Variants in MORF4L1 observed in about 807,000 individuals in gnomAD.
The protein encoded by MORF4L1 is mortality factor 4-like protein 1.
MORF4L1 carries 4 observed loss-of-function variants against 52.9 expected under a neutral mutation model. The ratio of observed to expected loss-of-function variants is 0.08; its 90% CI spans 0.04 to 0.17. The LOEUF is 0.17. Ranked by LOEUF, MORF4L1 falls within the 10% of genes least tolerant of loss-of-function variation. The pLI is 1.00. For synonymous variants in MORF4L1, 123 were observed against 134.8 expected, an observed-to-expected ratio of 0.91 and a Z score of 0.61; for missense variants, 214 against 390.4, an observed-to-expected ratio of 0.55 and a Z score of 3.81.
Position 78,878,224 on chromosome 15 carries a change from C to T in MORF4L1, c.52C>T (p.Leu18=), listed in dbSNP as rs1195831539. 1.9e-6 allele frequency: 3 copies of T among 1,611,770 alleles called. No individual in the cohort carries two copies. Among genetic ancestry groups the T allele is most frequent in the South Asian group, 1.1e-5 (1 of 90,580 alleles). Residue 18 remains leucine, a synonymous_variant, in exon 2 of 12, where the codon CTG becomes TTG. Transcript: ENST00000426013. ...KPKFQEGERV[L]CFHGPLLYEA... The stretch of plus-strand genomic sequence containing the variant: ...TTCTCCCTTTACAGGTGAGCGAGTG[C>T]TGTGCTTTCATGGGCCTCTTCTTTA...
chr15:78,891,764 T>C (rs2056805573), intron 7 of MORF4L1, 192 bp downstream of exon 7: 1 of 536,892 alleles, frequency 1.9e-6, no homozygotes, highest in African/African-American at 1.9e-5. Context: ...CAGATTTACC[T>C]ACCCAATTGA....
intron 2 of MORF4L1, among the ~76,000 whole-genome samples, chr15:78,879,160 C>G (rs2056552099): frequency 6.6e-6 from 1 of 152,108 alleles, no homozygotes; most frequent in Non-Finnish European, 1.5e-5. Flanking sequence ...TGCTTGAGCC[C>G]AGGAGTTCAA....
Position 78,897,238 on chromosome 15 carries a change from C to CTT in MORF4L1, c.*172_*173dup, listed in dbSNP as rs3971695. On this transcript the variant is annotated 3_prime_UTR_variant, in exon 12 of 12. Coordinates refer to ENST00000426013, the MANE Select transcript of MORF4L1 (RefSeq NM_006791.4). The stretch of plus-strand genomic sequence containing the variant: ...AAAAGGGGGTAATAGCTCCTTTTTT[C>CTT]TTCTTTCTTTTTTTTTTTCATTTCA... 86,672 of 486,290 alleles carry CTT rather than the reference C, an allele frequency of 0.18. 11,721 individuals are homozygous for CTT. Among genetic ancestry groups the CTT allele is most frequent in the East Asian group, 0.59 (16,848 of 28,664 alleles). 30.1% of individuals were successfully genotyped at this position (486,290 alleles called of 1,614,324 possible). A position where few individuals can be genotyped will look rare whatever the true frequency, so the allele number is the denominator to read the frequency against.
In MORF4L1 at chr15:78,897,085, T is replaced by C. The variant is rs889856867; in HGVS notation, c.*18T>C. The C allele has an allele frequency of 2.5e-6, 4 of 1,589,834 alleles. No homozygotes were observed. The highest frequency in any genetic ancestry group is 1.3e-5 in the African/African-American group (1 of 74,418). ...CTGTGTGAGAGGCACTCTCACTCAC[T>C]TATGTTTGGATCTCCGTAAACACAT... is the stretch of plus-strand genomic sequence containing the variant. On this transcript the variant is annotated 3_prime_UTR_variant, in exon 12 of 12. Transcript: ENST00000426013.
At chr15:78,880,406 T>G (rs2056579364) in intron 2 of MORF4L1, 106 bp from the exon 3 acceptor site, 2 of 765,296 alleles carry the variant, frequency 2.6e-6, no homozygotes, top group Non-Finnish European at 2.1e-6. Context: ...GTCATTCTGT[T>G]TAGGCCACCA....
At position 78,889,665 on chromosome 15, in the gene MORF4L1, A is replaced by G. The variant is rs967217477; in HGVS notation, c.324-1324A>G. On this transcript the variant is annotated intron_variant, in intron 5 of 11. Coordinates refer to ENST00000426013, the MANE Select transcript of MORF4L1 (RefSeq NM_006791.4). Reference sequence around the variant, plus strand: ...ATGGTTGACTTTGACCGAGAAATACAGTCCAACAGATTTTTACAAAACTAA... The same window carrying G: ...ATGGTTGACTTTGACCGAGAAATACGGTCCAACAGATTTTTACAAAACTAA... Among the ~76,000 whole-genome samples, 5 of 152,246 alleles carry G rather than the reference A, an allele frequency of 3.3e-5. No individual in the cohort carries two copies. The South Asian group carries it at 1.0e-3, about 31-fold the overall frequency.
intron 8 of MORF4L1, 40 bp from the exon 9 acceptor site, chr15:78,893,499 A>G (rs1323537427): frequency 7.3e-7 from 1 of 1,368,288 alleles, no homozygotes; most frequent in Non-Finnish European, 1.0e-6. Context: ...TTCTTTAAAA[A>G]AGAGAGTGCT....
At chr15:78,879,111 A>G (rs866066723) in intron 2 of MORF4L1, among the ~76,000 whole-genome samples, 1 of 152,060 alleles carries the variant, frequency 6.6e-6, no homozygotes, top group South Asian at 2.1e-4. Flanking sequence ...TGGCACATGC[A>G]TGTAGTTTCA....
intron 1 of MORF4L1, among the ~76,000 whole-genome samples, chr15:78,875,141 T>C (rs139007206): frequency 4.4e-4 from 67 of 152,350 alleles, no homozygotes; most frequent in African/African-American, 1.5e-3. Flanking sequence ...GTTTCCTTTG[T>C]ACTAGTGTGT....
At chr15:78,874,592 T>G (rs1338341877) in intron 1 of MORF4L1, among the ~76,000 whole-genome samples, 65 of 146,104 alleles carry the variant, frequency 4.4e-4, no homozygotes, top group African/African-American at 1.6e-3. Context: ...TCTTTTTTTT[T>G]TTTTTTTTTT....
At chr15:78,895,263 T>C (rs1322600572) in intron 11 of MORF4L1, among the ~76,000 whole-genome samples, 1 of 152,120 alleles carries the variant, frequency 6.6e-6, no homozygotes, top group African/African-American at 2.4e-5. Flanking sequence ...TTCATAGTTC[T>C]ATAGTGTTCC....
intron 1 of MORF4L1, among the ~76,000 whole-genome samples, chr15:78,875,661 C>T (rs1434282416): frequency 6.6e-6 from 1 of 151,852 alleles, no homozygotes; most frequent in Non-Finnish European, 1.5e-5. Flanking sequence ...GTGTTAGGCT[C>T]CTGTAATCCC....
chr15:78,874,064 C>A (rs778507907), intron 1 of MORF4L1: 2 of 152,134 alleles, frequency 1.3e-5, no homozygotes, highest in Non-Finnish European at 1.5e-5. Flanking sequence ...TAGACTGACT[C>A]CCAGTGGAAG....
chr15:78,887,408 A>G (rs2056724770), intron 5 of MORF4L1, 59 bp downstream of exon 5: 1 of 1,455,250 alleles, frequency 6.9e-7, no homozygotes, highest in Non-Finnish European at 9.5e-7. Flanking sequence ...TTTTATGTTC[A>G]TTGTGTGTTA....
chr15:78,891,260 A>G, intron 6 of MORF4L1: 1 of 654,568 alleles, frequency 1.5e-6, no homozygotes, highest in Admixed American at 3.0e-5. Flanking sequence ...TAACATTTAT[A>G]AATAAATGGA....
At chr15:78,874,269 C>T (rs929870040) in intron 1 of MORF4L1, among the ~76,000 whole-genome samples, 1 of 152,192 alleles carries the variant, frequency 6.6e-6, no homozygotes, top group Non-Finnish European at 1.5e-5. Flanking sequence ...GGTTTTTAGA[C>T]TTGCATTAGA....
At chr15:78,885,700 C>T (rs1405434033) in intron 3 of MORF4L1, among the ~76,000 whole-genome samples, 2 of 152,154 alleles carry the variant, frequency 1.3e-5, no homozygotes, top group Admixed American at 6.6e-5. Context: ...TTGTTATCCT[C>T]ATTTCATAGA....
intron 3 of MORF4L1, among the ~76,000 whole-genome samples, chr15:78,881,484 C>G (rs946477437): frequency 4.2e-5 from 4 of 96,152 alleles, no homozygotes; most frequent in Non-Finnish European, 8.3e-5. Context: ...GTGTGAGCCA[C>G]TGCCCGGCCT....
At chr15:78,884,992 G>C in intron 3 of MORF4L1, 1 of 1,614,048 alleles carries the variant, frequency 6.2e-7, no homozygotes, top group Non-Finnish European at 8.5e-7. Flanking sequence ...CAGGCGCTCT[G>C]AAAAATCTTT....
Sources: gnomAD v4.1 joint callset for allele counts (sites outside exome capture counted in the v4.1 genomes callset) on GRCh38, gnomAD v4.1.1 for gene constraint, MANE v1.5 for transcripts, NCBI Gene and HGNC (gene_info 2026-07-23, HGNC 2026-07-21) for gene names.